Variants in SNTG1 observed in about 807,000 individuals in gnomAD.
SNTG1 encodes the protein syntrophin gamma 1.
A neutral mutation model predicts 74.7 loss-of-function variants in SNTG1; 39 were observed. That is an observed-to-expected ratio of 0.52 (90% CI 0.40 to 0.68). SNTG1 has a LOEUF of 0.68. Among genes scored for constraint, SNTG1 ranks in the 30% least tolerant of loss-of-function variants. The pLI, the probability that SNTG1 is intolerant of heterozygous loss-of-function variation, is 0.00. For missense variants in SNTG1, 685 were observed against 609.5 expected, an observed-to-expected ratio of 1.12 and a Z score of -1.30; for synonymous variants, 254 against 217.1, an observed-to-expected ratio of 1.17 and a Z score of -1.49.
At chr8:50,591,414 A>G (rs1362152677) in intron 13 of SNTG1, among the ~76,000 whole-genome samples, 1 of 152,176 alleles carries the variant, frequency 6.6e-6, no homozygotes, top group African/African-American at 2.4e-5. Flanking sequence ...AATATCTATG[A>G]TAGCTATTTA....
At chr8:50,708,140 G>A (rs536994679) in intron 16 of SNTG1, 6 of 199,124 alleles carry the variant, frequency 3.0e-5, no homozygotes, top group Non-Finnish European at 6.0e-5. Context: ...GACAGAGGTT[G>A]CAGTGAGCCG....
intron 2 of SNTG1, among the ~76,000 whole-genome samples, chr8:50,353,231 A>T (rs1012760768): frequency 9.8e-5 from 13 of 132,072 alleles, no homozygotes; most frequent in Admixed American, 4.1e-4. Context: ...CAGGAAGGGG[A>T]ACATCACACA....
intron 13 of SNTG1, among the ~76,000 whole-genome samples, chr8:50,612,584 C>G (rs2094858202): frequency 6.6e-6 from 1 of 152,154 alleles, no homozygotes; most frequent in Non-Finnish European, 1.5e-5. Context: ...AGGAAGTAGA[C>G]AGTAGGCTAG....
rs530468150 is a variant in SNTG1 at position 50,144,395 on chromosome 8, G to T, written c.-102-28166G>T. Reference sequence around the variant, plus strand: ...ATGATAGTGGTGAGTATGAGGTCCAGCATACCTAGGTGAGGTCATCAAGGA... The same window carrying T: ...ATGATAGTGGTGAGTATGAGGTCCATCATACCTAGGTGAGGTCATCAAGGA... On this transcript the variant is annotated intron_variant, in intron 1 of 18. Coordinates refer to ENST00000642720, the MANE Select transcript of SNTG1 (RefSeq NM_018967.5). Among the ~76,000 whole-genome samples, 5 of 152,300 alleles carry T rather than the reference G, an allele frequency of 3.3e-5. No homozygotes were observed. The East Asian group carries it at 7.7e-4, about 24-fold the overall frequency.
At chr8:50,193,487 A>G (rs145939702) in intron 2 of SNTG1, among the ~76,000 whole-genome samples, 2,806 of 152,206 alleles carry the variant, frequency 0.018, 77 homozygotes, top group African/African-American at 0.058. Context: ...CTGTTGGTAT[A>G]TAGAAGAGCT....
chr8:50,515,417 T>G lies in SNTG1; in HGVS notation c.466+12537T>G, dbSNP rs3110027. 4.1e-4 allele frequency among the ~76,000 whole-genome samples: 19 copies of G among 45,792 alleles called. 2 individuals carry two copies. Among genetic ancestry groups the G allele is most frequent in the African/African-American group, 3.8e-3 (18 of 4,764 alleles). The allele number at this position is 45,792 out of a possible 152,430, so 30.0% of individuals were successfully genotyped here. A position where few individuals can be genotyped will look rare whatever the true frequency, so the allele number is the denominator to read the frequency against. ...TTTTTTTTTTTTTTTTTTTTTTTTG[T>G]TACTCCAGTGGATCCTGGAATGCCA... On this transcript the variant is annotated intron_variant, in intron 9 of 18. Coordinates refer to ENST00000642720, the MANE Select transcript of SNTG1 (RefSeq NM_018967.5).
At chr8:50,177,559 G>T (rs1354950115) in intron 2 of SNTG1, among the ~76,000 whole-genome samples, 5 of 152,184 alleles carry the variant, frequency 3.3e-5, no homozygotes, top group Admixed American at 3.3e-4. Context: ...GGTTTGCTCA[G>T]AGAGGCTGGT....
At chr8:50,639,616 T>C (rs528424479) in intron 13 of SNTG1, among the ~76,000 whole-genome samples, 69 of 152,156 alleles carry the variant, frequency 4.5e-4, no homozygotes, top group African/African-American at 1.6e-3. Context: ...TACCTGCAGA[T>C]TAATACAGAT....
At position 50,783,349 on chromosome 8, in the gene SNTG1, C is replaced by G. The variant is rs557309250; in HGVS notation, c.1396-9322C>G. 3.3e-5 allele frequency among the ~76,000 whole-genome samples: 5 copies of G among 152,340 alleles called. No homozygotes were observed. The East Asian group carries it at 9.7e-4, about 29-fold the overall frequency. On this transcript the variant is annotated intron_variant, in intron 18 of 18. Coordinates refer to ENST00000642720, the MANE Select transcript of SNTG1 (RefSeq NM_018967.5). ...CCTCCTTGAGCTATTGTGGGCTCCA[C>G]CCAGTTTGAGCTTCCTGGCTGCTTT...
intron 1 of SNTG1, among the ~76,000 whole-genome samples, chr8:50,040,164 T>G (rs1818514540): frequency 6.6e-6 from 1 of 152,192 alleles, no homozygotes; most frequent in Non-Finnish European, 1.5e-5. Context: ...TGTGCTGCTC[T>G]GGCGGTCGCT....
At chr8:50,300,509 A>C (rs2089599082) in intron 2 of SNTG1, among the ~76,000 whole-genome samples, 1 of 152,142 alleles carries the variant, frequency 6.6e-6, no homozygotes, top group Non-Finnish European at 1.5e-5. Flanking sequence ...AGTATTTCAA[A>C]GTACTTAAGT....
At chr8:50,056,682 T>C (rs1820050563) in intron 1 of SNTG1, among the ~76,000 whole-genome samples, 1 of 152,176 alleles carries the variant, frequency 6.6e-6, no homozygotes, top group South Asian at 2.1e-4. Flanking sequence ...GCCGTGTGGT[T>C]TACTGTATGT....
At chr8:50,108,382 T>C (rs2080460390) in intron 1 of SNTG1, among the ~76,000 whole-genome samples, 1 of 152,166 alleles carries the variant, frequency 6.6e-6, no homozygotes. Context: ...AAGGTTGATG[T>C]TGTAAGAATA....
At chr8:50,642,648 A>G (rs1183948573) in intron 13 of SNTG1, among the ~76,000 whole-genome samples, 7 of 152,002 alleles carry the variant, frequency 4.6e-5, no homozygotes, top group Non-Finnish European at 1.5e-5. Flanking sequence ...CATACAGGTA[A>G]CTCACTTCCT....
chr8:50,165,064 C>CA (rs1563683209), intron 1 of SNTG1, among the ~76,000 whole-genome samples: 2 of 152,110 alleles, frequency 1.3e-5, no homozygotes, highest in East Asian at 3.8e-4. Context: ...CACACACACA[C>CA]AAAAAATGTT....
chr8:50,475,392 G>A (rs533208674), intron 8 of SNTG1, among the ~76,000 whole-genome samples: 1 of 152,028 alleles, frequency 6.6e-6, no homozygotes, highest in African/African-American at 2.4e-5. Context: ...AAAATCAGAA[G>A]CTCTGGAAAC....
intron 1 of SNTG1, among the ~76,000 whole-genome samples, chr8:49,972,317 A>G (rs1394600907): frequency 6.6e-6 from 1 of 152,218 alleles, no homozygotes; most frequent in Non-Finnish European, 1.5e-5. Context: ...AGCCATATGT[A>G]GAAAGCTGAA....
chr8:50,418,394 A>T (rs2093039767), intron 4 of SNTG1, among the ~76,000 whole-genome samples: 1 of 151,824 alleles, frequency 6.6e-6, no homozygotes, highest in African/African-American at 2.4e-5. Flanking sequence ...CAACTTAGAG[A>T]TCTCTAAGTC....
intron 2 of SNTG1, among the ~76,000 whole-genome samples, chr8:50,336,590 T>C (rs1348998370): frequency 6.6e-6 from 1 of 152,232 alleles, no homozygotes. Context: ...TTTCAAAATG[T>C]AGTTTTCTTA....
Sources: allele counts gnomAD v4.1 joint callset (sites outside exome capture counted in the v4.1 genomes callset), GRCh38; gene constraint gnomAD v4.1.1; transcripts MANE v1.5; gene names NCBI Gene and HGNC (gene_info 2026-07-23, HGNC 2026-07-21).